MSI2: variants seen among roughly 807,000 people sequenced by gnomAD.
MSI2 encodes musashi RNA binding protein 2, also known as RNA-binding protein Musashi homolog 2.
A neutral mutation model predicts 45.6 loss-of-function variants in MSI2; 17 were observed. The ratio of observed to expected loss-of-function variants is 0.37; its 90% CI spans 0.26 to 0.56. The LOEUF (loss-of-function observed/expected upper bound fraction) is 0.56, where lower values mean the gene tolerates loss of function less well. MSI2 is among the 20% of genes least tolerant of loss of function. The pLI is 0.77. For missense variants in MSI2, 293 were observed against 444.2 expected (o/e 0.66, Z 3.06); for synonymous variants, 156 against 158.2 (o/e 0.99, Z 0.11).
chr17:57,263,637 T>C (rs1907517596), intron 5 of MSI2: 2 of 152,232 alleles, frequency 1.3e-5, no homozygotes, highest in South Asian at 4.1e-4. Flanking sequence ...AATCCCTTAC[T>C]TGGTAAAACC....
intron 9 of MSI2, among the ~76,000 whole-genome samples, chr17:57,621,224 A>G (rs577764660): frequency 3.3e-5 from 5 of 152,348 alleles, no homozygotes; most frequent in African/African-American, 1.2e-4. Context: ...ATGCCTGCAT[A>G]TTAGTCCTGG....
At chr17:57,632,207 T>C (rs1909443898) in intron 10 of MSI2, 1 of 1,120,632 alleles carries the variant, frequency 8.9e-7, no homozygotes, top group Non-Finnish European at 1.1e-6. Flanking sequence ...GTTGGGGACA[T>C]ATCATGGGGT....
chr17:57,547,241 G>A (rs1204663930), intron 7 of MSI2, among the ~76,000 whole-genome samples: 2 of 152,198 alleles, frequency 1.3e-5, no homozygotes, highest in Non-Finnish European at 2.9e-5. Context: ...AGGCAGACAA[G>A]CGCTGGATGG....
At position 57,680,720 on chromosome 17, in the gene MSI2, A is replaced by G. The variant is rs1368029993; in HGVS notation, c.*1203A>G. ...CAAAGCTACAATTTTAATATTTAAC[A>G]TATTTAAAGTTTCAAAGCACACCTG... On this transcript the variant is annotated 3_prime_UTR_variant, in exon 14 of 14. Transcript: ENST00000284073. The G allele has an allele frequency of 5.2e-5, 7 of 133,952 alleles. No individual in the cohort carries two copies. Among genetic ancestry groups the G allele is most frequent in the African/African-American group, 6.2e-5 (2 of 32,044 alleles). The allele number at this position is 133,952 out of a possible 1,614,324, so 8.3% of individuals were successfully genotyped here.
upstream of MSI2, among the ~76,000 whole-genome samples, chr17:57,256,237 G>A (rs549368792): frequency 5.0e-3 from 767 of 152,056 alleles, 3 homozygotes; most frequent in African/African-American, 0.018. Context: ...GGAAGTCGGG[G>A]TGCGCTCCCC....
chr17:57,630,647 A>T (rs1406241287), intron 10 of MSI2: 2 of 152,270 alleles, frequency 1.3e-5, no homozygotes, highest in East Asian at 3.9e-4. Context: ...CTCCTTGTGG[A>T]GTGTTGGGTC....
At chr17:57,638,184 C>G (rs1909980386) in intron 10 of MSI2, among the ~76,000 whole-genome samples, 1 of 152,164 alleles carries the variant, frequency 6.6e-6, no homozygotes, top group Admixed American at 6.5e-5. Flanking sequence ...GATGTGTCCC[C>G]CCACCCTCTC....
At chr17:57,418,311 A>G (rs929423070) in intron 6 of MSI2, among the ~76,000 whole-genome samples, 4 of 152,248 alleles carry the variant, frequency 2.6e-5, no homozygotes, top group African/African-American at 9.6e-5. Flanking sequence ...AGGATCAGTA[A>G]TAAACTTTAG....
At chr17:57,273,394 A>G (rs751747437) in intron 5 of MSI2, among the ~76,000 whole-genome samples, 2 of 151,726 alleles carry the variant, frequency 1.3e-5, no homozygotes, top group Non-Finnish European at 2.9e-5. Flanking sequence ...GGATTTGATC[A>G]TTGTTTTTCC....
chr17:57,272,012 A>G (rs962469736), intron 5 of MSI2, among the ~76,000 whole-genome samples: 5 of 152,170 alleles, frequency 3.3e-5, no homozygotes, highest in African/African-American at 1.2e-4. Flanking sequence ...GCAAAATGTG[A>G]TGCTGAGTGA....
the MSI2 span, among the ~76,000 whole-genome samples, chr17:57,690,686 G>A: frequency 3.2e-4 from 48 of 152,116 alleles, no homozygotes; most frequent in Admixed American, 3.1e-3. Flanking sequence ...CTGAATACAA[G>A]TTCTTTATCA....
chr17:57,269,997 C>T (rs529700937), intron 5 of MSI2, among the ~76,000 whole-genome samples: 1 of 152,180 alleles, frequency 6.6e-6, no homozygotes, highest in Non-Finnish European at 1.5e-5. Context: ...AGTTGTCCCA[C>T]TGGGTCCAGA....
intron 6 of MSI2, among the ~76,000 whole-genome samples, chr17:57,516,388 A>AGGAAT (rs750835243): frequency 1.5e-4 from 23 of 152,168 alleles, no homozygotes; most frequent in Non-Finnish European, 2.4e-4. Context: ...ATTCCATTGT[A>AGGAAT]GGAATGGAAT....
rs141790417 is a variant in MSI2, at chr17:57,532,696, C to G, written c.454+2972C>G. Among the ~76,000 whole-genome samples the G allele has an allele frequency of 2.5e-4, 38 of 152,336 alleles. No individual in the cohort carries two copies. The East Asian group carries it at 7.1e-3, about 29-fold the overall frequency. On this transcript the variant is annotated intron_variant, in intron 7 of 13. Coordinates refer to ENST00000284073, the MANE Select transcript of MSI2 (RefSeq NM_138962.4). ...CACCTTGCCCCAAACTTACCTTCAC[C>G]TCCTCGGTTCCTGCTGTCCATGATC...
intron 5 of MSI2, among the ~76,000 whole-genome samples, chr17:57,343,706 A>G (rs1266762405): frequency 6.6e-6 from 1 of 152,194 alleles, no homozygotes. Flanking sequence ...TACAGGATAC[A>G]ATGGAGGATC....
chr17:57,435,690 C>T (rs1449277451), intron 6 of MSI2, among the ~76,000 whole-genome samples: 1 of 151,894 alleles, frequency 6.6e-6, no homozygotes, highest in Non-Finnish European at 1.5e-5. Flanking sequence ...AGAGACCTCC[C>T]CAGCCAGGGA....
chr17:57,570,661 A>G (rs1210549663), intron 7 of MSI2, among the ~76,000 whole-genome samples: 6 of 152,232 alleles, frequency 3.9e-5, no homozygotes, highest in African/African-American at 1.4e-4. Flanking sequence ...ATGCCTATTC[A>G]GATTGTTTAT....
At chr17:57,309,862 A>G (rs1304372008) in intron 5 of MSI2, among the ~76,000 whole-genome samples, 1 of 152,142 alleles carries the variant, frequency 6.6e-6, no homozygotes, top group Non-Finnish European at 1.5e-5. Context: ...GTGGAGTGCT[A>G]TTAGTAATCA....
chr17:57,406,524 T>C (rs1157281077), intron 6 of MSI2, among the ~76,000 whole-genome samples: 1 of 152,184 alleles, frequency 6.6e-6, no homozygotes, highest in East Asian at 1.9e-4. Context: ...GGCAGCTCAG[T>C]GCCGAGCTCG....
Sources: allele counts gnomAD v4.1 joint callset (sites outside exome capture counted in the v4.1 genomes callset), GRCh38; gene constraint gnomAD v4.1.1; transcripts MANE v1.5; gene names NCBI Gene and HGNC (gene_info 2026-07-23, HGNC 2026-07-21).